SGCZ: variants seen among roughly 807,000 people sequenced by gnomAD.
SGCZ encodes zeta-sarcoglycan.
A neutral mutation model predicts 41.3 loss-of-function variants in SGCZ; 40 were observed. That is an observed-to-expected ratio of 0.97 (90% CI 0.75 to 1.26). The LOEUF is 1.26. Among genes scored for constraint, SGCZ ranks in the 50% most tolerant of loss-of-function variants. SGCZ has a pLI of 0.00. For missense variants in SGCZ, 552 were observed against 369.8 expected, an observed-to-expected ratio of 1.49 and a Z score of -4.04; for synonymous variants, 206 against 137.5, an observed-to-expected ratio of 1.50 and a Z score of -3.49.
intron 5 of SGCZ, among the ~76,000 whole-genome samples, chr8:14,137,785 A>G (rs1320739812): frequency 1.3e-5 from 2 of 152,200 alleles, no homozygotes; most frequent in South Asian, 2.1e-4. Flanking sequence ...AACTTCCCCA[A>G]TCTAGCAAGG....
intron 2 of SGCZ, among the ~76,000 whole-genome samples, chr8:14,487,513 A>C (rs1801708339): frequency 6.6e-6 from 1 of 152,222 alleles, no homozygotes; most frequent in Admixed American, 6.5e-5. Flanking sequence ...CCAGATTCTA[A>C]GAGTTTGAGT....
chr8:14,456,584 C>T (rs1038581587), intron 2 of SGCZ, among the ~76,000 whole-genome samples: 5 of 151,666 alleles, frequency 3.3e-5, no homozygotes, highest in Non-Finnish European at 7.4e-5. Flanking sequence ...CAGACTTTAA[C>T]GAGATTGGTT....
chr8:14,365,909 A>G (rs1249935058), intron 2 of SGCZ, among the ~76,000 whole-genome samples: 2 of 151,926 alleles, frequency 1.3e-5, no homozygotes, highest in African/African-American at 2.4e-5. Flanking sequence ...TTTCTCTATT[A>G]TTTCTTCACC....
rs995395307 is a variant in SGCZ at position 14,535,312 on chromosome 8, AG to A, written c.234+19419del. Among the ~76,000 whole-genome samples the A allele has an allele frequency of 1.3e-5, 2 of 151,926 alleles. 1 individual carries two copies. The highest frequency in any genetic ancestry group is 4.1e-4 in the South Asian group (2 of 4,832). ...GAAAGTTTAATATATTTCCATGAAC[AG>A]GAAAAAAAAAAGTCTGCTTGCTTTC... On this transcript the variant is annotated intron_variant, in intron 2 of 7. Transcript: ENST00000382080.
At chr8:15,149,175 T>C (rs1039460960) in intron 1 of SGCZ, among the ~76,000 whole-genome samples, 14 of 150,516 alleles carry the variant, frequency 9.3e-5, no homozygotes, top group African/African-American at 3.4e-4. Context: ...CCATTATTCT[T>C]ATTTTTTTTT....
chr8:14,805,915 G>A lies in SGCZ; in HGVS notation c.40-250989C>T, dbSNP rs1371911688. Among the ~76,000 whole-genome samples, 5 of 150,142 alleles carry A rather than the reference G, an allele frequency of 3.3e-5. No homozygotes were observed. In the East Asian group the frequency reaches 8.0e-4, roughly 24 times the overall value. On this transcript the variant is annotated intron_variant, in intron 1 of 7. Transcript: ENST00000382080. Reference sequence around the variant, plus strand: ...ACAGTGCAATCAAACTAGAACTCAGGATTAAGAATCTCACTCAAAGCCGCT... The same window carrying A: ...ACAGTGCAATCAAACTAGAACTCAGAATTAAGAATCTCACTCAAAGCCGCT...
chr8:14,860,984 A>G (rs1276213115), intron 1 of SGCZ, among the ~76,000 whole-genome samples: 1 of 152,180 alleles, frequency 6.6e-6, no homozygotes, highest in Non-Finnish European at 1.5e-5. Flanking sequence ...AGTAGGTATC[A>G]CTGCTGTTTC....
intron 1 of SGCZ, among the ~76,000 whole-genome samples, chr8:14,941,670 G>A (rs1220591405): frequency 2.6e-5 from 4 of 151,800 alleles, no homozygotes; most frequent in African/African-American, 9.7e-5. Flanking sequence ...GCCAAAAATG[G>A]TATTGTTGCC....
intron 2 of SGCZ, among the ~76,000 whole-genome samples, chr8:14,485,479 G>A (rs1317842637): frequency 6.6e-6 from 1 of 152,012 alleles, no homozygotes; most frequent in Admixed American, 6.6e-5. Context: ...CTCGTCATCT[G>A]CCCACGTCAG....
At chr8:14,786,223 G>A (rs929011514) in intron 1 of SGCZ, among the ~76,000 whole-genome samples, 7 of 151,984 alleles carry the variant, frequency 4.6e-5, no homozygotes, top group African/African-American at 1.7e-4. Flanking sequence ...TCAGACAGTG[G>A]TCTTTGGTCA....
At chr8:14,825,579 C>A (rs2130582386) in intron 1 of SGCZ, among the ~76,000 whole-genome samples, 1 of 152,218 alleles carries the variant, frequency 6.6e-6, no homozygotes, top group East Asian at 1.9e-4. Flanking sequence ...TACATGTATA[C>A]ATTGTGTAAT....
chr8:14,986,628 G>C (rs1380371335), intron 1 of SGCZ, among the ~76,000 whole-genome samples: 1 of 151,976 alleles, frequency 6.6e-6, no homozygotes, highest in Non-Finnish European at 1.5e-5. Flanking sequence ...TAGACTAAGT[G>C]TTACAATATT....
rs1475668474 is a variant in SGCZ at position 14,434,097 on chromosome 8, T to A, written c.235-109893A>T. On this transcript the variant is annotated intron_variant, in intron 2 of 7. Coordinates refer to ENST00000382080, the MANE Select transcript of SGCZ (RefSeq NM_139167.4). ...GTTATGTTATAGAATTTTTATAGTT[T>A]TAGGTCTTAGATTTAAGTCCTTAAT... is the stretch of plus-strand genomic sequence containing the variant. 2.0e-5 allele frequency among the ~76,000 whole-genome samples: 3 copies of A among 152,342 alleles called. No individual in the cohort carries two copies. In the East Asian group the frequency reaches 5.8e-4, roughly 29 times the overall value.
chr8:14,213,928 G>A (rs958889010), intron 4 of SGCZ, among the ~76,000 whole-genome samples: 3 of 151,988 alleles, frequency 2.0e-5, no homozygotes, highest in Non-Finnish European at 4.4e-5. Flanking sequence ...CCCTTAAGGT[G>A]GAAAAACTTA....
intron 3 of SGCZ, among the ~76,000 whole-genome samples, chr8:14,268,844 TA>T (rs1799964485): frequency 6.6e-6 from 1 of 151,860 alleles, no homozygotes; most frequent in Admixed American, 6.6e-5. Context: ...TGAAGTATGT[TA>T]AAAACGTATT....
intron 1 of SGCZ, among the ~76,000 whole-genome samples, chr8:14,738,646 A>G (rs1563236828): frequency 6.6e-6 from 1 of 152,148 alleles, no homozygotes; most frequent in East Asian, 1.9e-4. Flanking sequence ...TCTAAAGCCC[A>G]TTTGGGTTTA....
At chr8:14,728,817 G>C (rs6984341) in intron 1 of SGCZ, among the ~76,000 whole-genome samples, 13,620 of 152,148 alleles carry the variant, frequency 0.09, 1,341 homozygotes, top group African/African-American at 0.24. Flanking sequence ...AGTTGAATGC[G>C]TGTGGTGAGT....
intron 2 of SGCZ, among the ~76,000 whole-genome samples, chr8:14,337,967 G>A (rs1203735183): frequency 6.6e-6 from 1 of 152,140 alleles, no homozygotes; most frequent in Non-Finnish European, 1.5e-5. Context: ...AGGTTATAAG[G>A]AGATGCTTAA....
intron 2 of SGCZ, among the ~76,000 whole-genome samples, chr8:14,409,459 T>A (rs977814374): frequency 6.7e-6 from 1 of 149,842 alleles, no homozygotes; most frequent in Non-Finnish European, 1.5e-5. Flanking sequence ...CGTTTGGTAA[T>A]GCTGGCTCAG....
Sources: gnomAD v4.1 joint callset for allele counts (sites outside exome capture counted in the v4.1 genomes callset) on GRCh38, gnomAD v4.1.1 for gene constraint, MANE v1.5 for transcripts, NCBI Gene and HGNC (gene_info 2026-07-23, HGNC 2026-07-21) for gene names.